The following UBE2QL1 variants were observed in gnomAD, a reference collection of about 807,000 sequenced individuals.
UBE2QL1 encodes the protein ubiquitin conjugating enzyme E2 QL1.
A neutral mutation model predicts 12.6 loss-of-function variants in UBE2QL1; 5 were observed. The ratio of observed to expected loss-of-function variants is 0.40; its 90% CI spans 0.21 to 0.83. The LOEUF (loss-of-function observed/expected upper bound fraction) is 0.83. Among genes scored for constraint, UBE2QL1 ranks in the 40% least tolerant of loss-of-function variants. The pLI is 0.37. For synonymous variants in UBE2QL1, 96 were observed against 94.5 expected (o/e 1.02, Z -0.10); for missense variants, 99 against 222.6 (o/e 0.44, Z 3.53).
At position 6,474,751 on chromosome 5, in the gene UBE2QL1, G is replaced by A. The variant is rs1579296723; in HGVS notation, c.355-16467G>A. On this transcript the variant is annotated intron_variant, in intron 1 of 1. Coordinates refer to ENST00000399816, the MANE Select transcript of UBE2QL1 (RefSeq NM_001145161.3). ...AGCTTGAGCACCTGAGAGGGGCAGT[G>A]AGCACTTTAGTACTGGAATAATGCG... Among the ~76,000 whole-genome samples the A allele has an allele frequency of 2.0e-5, 3 of 152,282 alleles. No individual in the cohort carries two copies. The East Asian group carries it at 5.8e-4, about 29-fold the overall frequency.
chr5:6,484,663 C>T (rs1734430512), intron 1 of UBE2QL1, among the ~76,000 whole-genome samples: 1 of 152,088 alleles, frequency 6.6e-6, no homozygotes, highest in Admixed American at 6.5e-5. Flanking sequence ...TCAGCAGTCT[C>T]CCGGGTTGCA....
At position 6,495,823 on chromosome 5, in the gene UBE2QL1, G is replaced by T. The variant is rs548185614; in HGVS notation, c.*4474G>T. 3.5e-4 allele frequency among the ~76,000 whole-genome samples: 53 copies of T among 152,266 alleles called. No homozygotes were observed. The highest frequency in any genetic ancestry group is 1.2e-3 in the African/African-American group (50 of 41,552). On this transcript the variant is annotated 3_prime_UTR_variant, in exon 2 of 2. Coordinates refer to ENST00000399816, the MANE Select transcript of UBE2QL1 (RefSeq NM_001145161.3). ...AGCTCTGTTCTTAGTTTTCTGCTAG[G>T]TTCTACTTATCCTTCTAATTTTTGC... is the stretch of plus-strand genomic sequence containing the variant.
intron 1 of UBE2QL1, among the ~76,000 whole-genome samples, chr5:6,453,024 A>G (rs1739441094): frequency 1.3e-5 from 2 of 152,230 alleles, no homozygotes; most frequent in South Asian, 4.1e-4. Flanking sequence ...CTGGCCCCTC[A>G]GAGCCAACCA....
At chr5:6,451,140 C>T (rs1313704083) in intron 1 of UBE2QL1, among the ~76,000 whole-genome samples, 1 of 152,146 alleles carries the variant, frequency 6.6e-6, no homozygotes, top group Non-Finnish European at 1.5e-5. Flanking sequence ...CTTCTGGGAT[C>T]ACAGAGTCCT....
chr5:6,488,866 C>A (rs968597291), intron 1 of UBE2QL1, among the ~76,000 whole-genome samples: 2 of 151,798 alleles, frequency 1.3e-5, no homozygotes. Context: ...GATGTGTTTT[C>A]ATATGTTTAA....
chr5:6,491,639 C>G lies in UBE2QL1; in HGVS notation c.*290C>G, dbSNP rs1417936657. ...CCAGCCTGCCTGCCCCTCTGCCCACCCCGGTCACATTGCCCTGAGCTTCTT... is the reference window on the plus strand; with the variant it reads ...CCAGCCTGCCTGCCCCTCTGCCCACGCCGGTCACATTGCCCTGAGCTTCTT... On this transcript the variant is annotated 3_prime_UTR_variant, in exon 2 of 2. Transcript: ENST00000399816. 1 of 229,346 alleles carries G rather than the reference C, an allele frequency of 4.4e-6. No individual in the cohort carries two copies. Among genetic ancestry groups the G allele is most frequent in the Non-Finnish European group, 8.4e-6 (1 of 119,528 alleles). 14.2% of individuals were successfully genotyped at this position (229,346 alleles called of 1,614,324 possible). A position where few individuals can be genotyped will look rare whatever the true frequency, so the allele number is the denominator to read the frequency against.
chr5:6,461,922 A>G (rs928787589), intron 1 of UBE2QL1, among the ~76,000 whole-genome samples: 2 of 152,114 alleles, frequency 1.3e-5, no homozygotes, highest in Admixed American at 1.3e-4. Context: ...TCCCATTTGG[A>G]TAAGCCGCAG....
intron 1 of UBE2QL1, among the ~76,000 whole-genome samples, chr5:6,450,073 G>A (rs1739382258): frequency 6.7e-6 from 1 of 149,214 alleles, no homozygotes; most frequent in African/African-American, 2.5e-5. Context: ...ATTCCCTTAA[G>A]AGACAAGACC....
chr5:6,464,779 T>C (rs1739749025), intron 1 of UBE2QL1, among the ~76,000 whole-genome samples: 3 of 152,128 alleles, frequency 2.0e-5, no homozygotes, highest in Non-Finnish European at 2.9e-5. Flanking sequence ...TAGAGATTCA[T>C]TTGGACTTAG....
chr5:6,477,857 G>A (rs1250800200), intron 1 of UBE2QL1, among the ~76,000 whole-genome samples: 1 of 152,152 alleles, frequency 6.6e-6, no homozygotes, highest in Non-Finnish European at 1.5e-5. Context: ...ATCCCATATC[G>A]CACAAGTTGC....
At chr5:6,453,225 TC>T (rs1739444622) in intron 1 of UBE2QL1, among the ~76,000 whole-genome samples, 1 of 152,086 alleles carries the variant, frequency 6.6e-6, no homozygotes, top group African/African-American at 2.4e-5. Context: ...TTTCACAGAG[TC>T]AGGTGGAGTT....
At chr5:6,484,503 T>C (rs1734427669) in intron 1 of UBE2QL1, among the ~76,000 whole-genome samples, 1 of 152,164 alleles carries the variant, frequency 6.6e-6, no homozygotes, top group East Asian at 1.9e-4. Flanking sequence ...GCAAGTCAGT[T>C]AATGGAAGCC....
chr5:6,451,166 G>A (rs187387134), intron 1 of UBE2QL1, among the ~76,000 whole-genome samples: 2 of 152,314 alleles, frequency 1.3e-5, no homozygotes, highest in Admixed American at 1.3e-4. Flanking sequence ...TTTAGACTTG[G>A]AAGAGATCTT....
At chr5:6,473,428 G>C (rs756016295) in intron 1 of UBE2QL1, among the ~76,000 whole-genome samples, 4 of 152,178 alleles carry the variant, frequency 2.6e-5, no homozygotes, top group Non-Finnish European at 4.4e-5. Context: ...AGGGGAGCAT[G>C]TCAGCATCAG....
In UBE2QL1 at chr5:6,470,567, C is replaced by G. The variant is rs189956984; in HGVS notation, c.355-20651C>G. ...CCACAGGCATACATGATTTTTTCAG[C>G]AGTGGGCCCATGCTGTTCAGGATAG... On this transcript the variant is annotated intron_variant, in intron 1 of 1. Coordinates refer to ENST00000399816, the MANE Select transcript of UBE2QL1 (RefSeq NM_001145161.3). 3.3e-5 allele frequency among the ~76,000 whole-genome samples: 5 copies of G among 152,314 alleles called. No individual in the cohort carries two copies. The East Asian group carries it at 9.7e-4, about 29-fold the overall frequency.
intron 1 of UBE2QL1, among the ~76,000 whole-genome samples, chr5:6,461,670 T>C (rs892124494): frequency 2.6e-5 from 4 of 152,158 alleles, no homozygotes; most frequent in African/African-American, 9.7e-5. Flanking sequence ...TCTAGGTTTG[T>C]AATATCAGCA....
intron 1 of UBE2QL1, among the ~76,000 whole-genome samples, chr5:6,474,814 G>C (rs1448306294): frequency 6.6e-6 from 1 of 152,194 alleles, no homozygotes; most frequent in Non-Finnish European, 1.5e-5. Context: ...CCTCACACGT[G>C]GTGAGAAGGG....
At chr5:6,463,902 C>T (rs535460217) in intron 1 of UBE2QL1, among the ~76,000 whole-genome samples, 32 of 152,098 alleles carry the variant, frequency 2.1e-4, no homozygotes, top group African/African-American at 2.4e-5. Flanking sequence ...GCTGGGATTA[C>T]AGGCATGAGC....
intron 1 of UBE2QL1, among the ~76,000 whole-genome samples, chr5:6,457,322 C>T (rs965722805): frequency 3.3e-5 from 5 of 152,062 alleles, no homozygotes; most frequent in Admixed American, 2.0e-4. Context: ...AACAGCTCCT[C>T]AACCACTCCT....
Sources: gnomAD v4.1 joint callset for allele counts (sites outside exome capture counted in the v4.1 genomes callset) on GRCh38, gnomAD v4.1.1 for gene constraint, MANE v1.5 for transcripts, NCBI Gene and HGNC (gene_info 2026-07-23, HGNC 2026-07-21) for gene names.